The following SFTPD variants were observed in gnomAD, a reference collection of about 807,000 sequenced individuals.
SFTPD encodes surfactant protein D, also known as pulmonary surfactant-associated protein D.
Under a neutral mutation model 34.6 loss-of-function variants are expected in SFTPD, and 18 were observed. The ratio of observed to expected loss-of-function variants is 0.52; its 90% confidence interval spans 0.36 to 0.77. The LOEUF (loss-of-function observed/expected upper bound fraction) is 0.77, where lower values mean the gene tolerates loss of function less well. Ranked by LOEUF, SFTPD falls within the 30% of genes least tolerant of loss-of-function variation. SFTPD has a pLI of 0.00. For missense variants in SFTPD, 433 were observed against 468.9 expected, an observed-to-expected ratio of 0.92 and a Z score of 0.71; for synonymous variants, 155 against 180.9, an observed-to-expected ratio of 0.86 and a Z score of 1.15.
At chr10:79,964,755 G>C (rs907438921) in intron 1 of SFTPD, among the ~76,000 whole-genome samples, 2 of 152,062 alleles carry the variant, frequency 1.3e-5, no homozygotes, top group African/African-American at 4.8e-5. Context: ...TACACATTAA[G>C]CTTGAGAATT....
chr10:79,939,479 T>C (rs1193574370), intron 7 of SFTPD, among the ~76,000 whole-genome samples: 1 of 152,252 alleles, frequency 6.6e-6, no homozygotes, highest in Non-Finnish European at 1.5e-5. Flanking sequence ...TACCCAAAGG[T>C]ACGTGGGAGT....
upstream of SFTPD, chr10:79,950,427 C>T (rs529411353): frequency 4.9e-4 from 74 of 152,262 alleles, no homozygotes; most frequent in African/African-American, 1.5e-3. Flanking sequence ...CTTTATTTCT[C>T]CTTCATTTAT....
At position 79,938,150 on chromosome 10, in the gene SFTPD, G is replaced by A. The variant is rs1842575895; in HGVS notation, c.830C>T (p.Ala277Val). Residue 277 changes from alanine to valine, a missense_variant, in exon 8 of 8, where the codon GCA (alanine) becomes GTA (valine). Transcript: ENST00000372292. The part of the protein sequence containing the change: ...TAGFVKPFTE[A>V]QLLCTQAGGQ... ...ACCAGCCTGTGTGCACAGCAGCTGT[G>A]CCTCCGTAAATGGTTTTACAAAGCC... 1 of 1,612,284 alleles carries A rather than the reference G, an allele frequency of 6.2e-7. No individual in the cohort carries two copies. The highest frequency in any genetic ancestry group is 1.3e-5 in the African/African-American group (1 of 74,888).
At chr10:79,955,736 T>C (rs535809805) in intron 1 of SFTPD, among the ~76,000 whole-genome samples, 3 of 152,344 alleles carry the variant, frequency 2.0e-5, no homozygotes, top group Admixed American at 6.5e-5. Flanking sequence ...GAAACTACCT[T>C]TTTGGATGAG....
chr10:79,955,469 C>G (rs1049961688), intron 1 of SFTPD, among the ~76,000 whole-genome samples: 2 of 151,990 alleles, frequency 1.3e-5, no homozygotes, highest in Non-Finnish European at 2.9e-5. Context: ...AACAAACAAA[C>G]AAAGAAAACC....
intron 1 of SFTPD, among the ~76,000 whole-genome samples, chr10:79,974,759 G>T (rs1197004185): frequency 1.3e-5 from 2 of 152,214 alleles, no homozygotes; most frequent in African/African-American, 4.8e-5. Flanking sequence ...GAAAGAGGAG[G>T]AGTCTTTTCT....
At chr10:79,941,723 A>G (rs1481732071) in intron 5 of SFTPD, among the ~76,000 whole-genome samples, 1 of 151,936 alleles carries the variant, frequency 6.6e-6, no homozygotes, top group African/African-American at 2.4e-5. Context: ...CCGCCACCCA[A>G]CAACTAACCT....
intron 1 of SFTPD, chr10:79,968,818 G>T (rs941984957): frequency 3.3e-5 from 5 of 152,096 alleles, no homozygotes; most frequent in African/African-American, 1.2e-4. Context: ...CCTTTTCTCT[G>T]CAGCCTTCCC....
At chr10:79,962,286 A>G (rs907237411) in intron 1 of SFTPD, among the ~76,000 whole-genome samples, 7 of 148,304 alleles carry the variant, frequency 4.7e-5, no homozygotes, top group Non-Finnish European at 8.9e-5. Flanking sequence ...CCTAAAACTT[A>G]AAGTATAATA....
chr10:79,966,915 T>C (rs61860411), intron 1 of SFTPD, among the ~76,000 whole-genome samples: 10,784 of 147,546 alleles, frequency 0.073, 1,007 homozygotes, highest in South Asian at 0.22. Flanking sequence ...CCTCTCTCAC[T>C]GCTCCTATTC....
intron 1 of SFTPD, among the ~76,000 whole-genome samples, chr10:79,958,651 T>A (rs1379379107): frequency 6.6e-6 from 1 of 152,154 alleles, no homozygotes; most frequent in Non-Finnish European, 1.5e-5. Flanking sequence ...AAGCAAGTCC[T>A]TAGTGACCTA....
At chr10:79,962,136 G>A (rs28478394) in intron 1 of SFTPD, among the ~76,000 whole-genome samples, 14,285 of 119,818 alleles carry the variant, frequency 0.12, 1,103 homozygotes, top group East Asian at 0.35. Context: ...CACACTGTGG[G>A]GACTGTTGTG....
At chr10:79,958,426 CA>C (rs1842752681) in intron 1 of SFTPD, among the ~76,000 whole-genome samples, 1 of 152,152 alleles carries the variant, frequency 6.6e-6, no homozygotes. Flanking sequence ...CAAAGACACA[CA>C]TAGGCTCCTT....
intron 6 of SFTPD, 72 bp from the exon 7 acceptor site, chr10:79,940,860 A>G (rs1589333354): frequency 3.0e-6 from 3 of 1,001,140 alleles, no homozygotes; most frequent in East Asian, 4.8e-5. Flanking sequence ...CTGGGCCCCA[A>G]AGGAAGGGTG....
intron 7 of SFTPD, among the ~76,000 whole-genome samples, chr10:79,939,527 G>T (rs756590302): frequency 6.6e-6 from 1 of 152,236 alleles, no homozygotes; most frequent in Non-Finnish European, 1.5e-5. Flanking sequence ...ATATTTGTGT[G>T]TGCTATATAG....
At chr10:79,980,603 C>T (rs1842884948) in intron 1 of SFTPD, among the ~76,000 whole-genome samples, 2 of 152,222 alleles carry the variant, frequency 1.3e-5, no homozygotes, top group African/African-American at 4.8e-5. Flanking sequence ...TCCTCAACTC[C>T]AGGCACCTCA....
In SFTPD at chr10:79,942,081, A is replaced by C; in HGVS notation, c.434-11T>G. 1 of 1,574,194 alleles carries C rather than the reference A, an allele frequency of 6.4e-7. No homozygotes were observed. The highest frequency in any genetic ancestry group is 8.7e-7 in the Non-Finnish European group (1 of 1,145,592). On this transcript the variant is annotated splice_polypyrimidine_tract_variant and intron_variant, in intron 4 of 7. Coordinates refer to ENST00000372292, the MANE Select transcript of SFTPD (RefSeq NM_003019.5). ...GGGCACCTACTTCTCCTGAAGAAGG[A>C]ACACACAGGAACAAACACAGCTAAG...
At chr10:79,955,152 T>C (rs767923591) in intron 1 of SFTPD, among the ~76,000 whole-genome samples, 4 of 152,160 alleles carry the variant, frequency 2.6e-5, no homozygotes, top group Non-Finnish European at 5.9e-5. Context: ...TCCACCAGAC[T>C]TCGTAGCCCC....
rs147963361 is a variant in SFTPD at position 79,937,745 on chromosome 10, G to A, written c.*107C>T. 3.2e-5 allele frequency: 40 copies of A among 1,243,386 alleles called. No individual in the cohort carries two copies. In the African/African-American group the frequency reaches 3.6e-4, roughly 11 times the overall value. 77.0% of individuals were successfully genotyped at this position (1,243,386 alleles called of 1,614,324 possible). On this transcript the variant is annotated 3_prime_UTR_variant, in exon 8 of 8. Transcript: ENST00000372292. ...CACATTCTGGAGAGAAGTCCTTCCC[G>A]GCACAGATGGTCACCTTTTTATTAG...
Sources: gnomAD v4.1 joint callset for allele counts (sites outside exome capture counted in the v4.1 genomes callset) on GRCh38, gnomAD v4.1.1 for gene constraint, MANE v1.5 for transcripts, NCBI Gene and HGNC (gene_info 2026-07-23, HGNC 2026-07-21) for gene names.